Variants in HEPACAM2 observed in about 807,000 individuals in gnomAD.
HEPACAM2 encodes the protein HEPACAM family member 2.
Under a neutral mutation model 49.6 loss-of-function variants are expected in HEPACAM2, and 49 were observed. That is an observed-to-expected ratio of 0.99 (90% CI 0.78 to 1.25). The LOEUF is 1.25. Among genes scored for constraint, HEPACAM2 ranks in the 50% most tolerant of loss-of-function variants. The pLI is 0.00. For missense variants in HEPACAM2, 525 were observed against 557.2 expected, an observed-to-expected ratio of 0.94 and a Z score of 0.58; for synonymous variants, 197 against 202.9, an observed-to-expected ratio of 0.97 and a Z score of 0.25.
chr7:93,208,827 C>A lies in HEPACAM2; in HGVS notation c.765G>T (p.Gly255=). ...QVNSDKGLKV[G]EVFTVDLGEA... is the part of the protein sequence containing the mutation. ...CTCCAAGGTCAACAGTAAACACTTC[C>A]CCTACTTTTAGCCCTTTATCAGAAT... The change falls in exon 4 of 10, where the codon GGG becomes GGT. Residue 255 remains glycine (G), a synonymous_variant. Transcript: ENST00000394468. 1 of 1,612,202 alleles carries A rather than the reference C, an allele frequency of 6.2e-7. No individual in the cohort carries two copies. The highest frequency in any genetic ancestry group is 1.3e-5 in the African/African-American group (1 of 74,894).
intron 3 of HEPACAM2, 49 bp from the exon 4 acceptor site, chr7:93,208,925 A>G: frequency 1.2e-5 from 18 of 1,463,986 alleles, no homozygotes; most frequent in East Asian, 2.3e-5. Context: ...TAATCACAAC[A>G]TAGGTTTTGA....
intron 1 of HEPACAM2, chr7:93,226,009 C>A: frequency 1.3e-6 from 1 of 770,238 alleles, no homozygotes. Context: ...TCTAAGTGGT[C>A]ACAATTTCAT....
intron 3 of HEPACAM2, among the ~76,000 whole-genome samples, chr7:93,213,656 A>G (rs1280656999): frequency 2.6e-5 from 4 of 152,090 alleles, no homozygotes; most frequent in Non-Finnish European, 5.9e-5. Context: ...CTATTGCCCT[A>G]TGGATACAAA....
chr7:93,225,355 G>C (rs1794520267), intron 1 of HEPACAM2, among the ~76,000 whole-genome samples: 1 of 151,732 alleles, frequency 6.6e-6, no homozygotes, highest in Admixed American at 6.6e-5. Flanking sequence ...CACAACTCTG[G>C]GAAACTCAAA....
upstream of HEPACAM2, chr7:93,226,503 C>T: frequency 1.5e-6 from 2 of 1,350,296 alleles, no homozygotes; most frequent in South Asian, 2.4e-5. Context: ...GGTTTATTTG[C>T]TAGGGAAATT....
chr7:93,198,150 T>C (rs1021496603), intron 4 of HEPACAM2, among the ~76,000 whole-genome samples: 3 of 152,112 alleles, frequency 2.0e-5, no homozygotes, highest in Non-Finnish European at 4.4e-5. Flanking sequence ...GAAATGTCAA[T>C]TCTTAAAATA....
chr7:93,226,247 C>A, intron 1 of HEPACAM2, 121 bp downstream of exon 1: 1 of 681,980 alleles, frequency 1.5e-6, no homozygotes. Flanking sequence ...TTAAAAGGTT[C>A]TGACCTGCTC....
intron 4 of HEPACAM2, 41 bp from the exon 5 acceptor site, chr7:93,197,651 A>G: frequency 6.9e-7 from 1 of 1,455,702 alleles, no homozygotes; most frequent in Non-Finnish European, 9.3e-7. Flanking sequence ...ATAAATTGCT[A>G]CAGTATATAA....
At position 93,207,511 on chromosome 7, in the gene HEPACAM2, TAAGTA is replaced by T. The variant is rs745813943; in HGVS notation, c.1012+1064_1012+1068del. 2.7e-5 allele frequency among the ~76,000 whole-genome samples: 4 copies of T among 150,566 alleles called. No individual in the cohort carries two copies. The East Asian group carries it at 5.9e-4, about 22-fold the overall frequency. Reference sequence around the variant, plus strand: ...AGAAGGAGAAGAGAATACAAAGAAATAAGTAAAGAAAGGCAAAAGAAGGAGGAAGG... The same window carrying T: ...AGAAGGAGAAGAGAATACAAAGAAATAAGAAAGGCAAAAGAAGGAGGAAGG... On this transcript the variant is annotated intron_variant, in intron 4 of 9. Coordinates refer to ENST00000394468, the MANE Select transcript of HEPACAM2 (RefSeq NM_001039372.4).
intron 4 of HEPACAM2, among the ~76,000 whole-genome samples, chr7:93,201,618 C>A (rs926826557): frequency 6.6e-6 from 1 of 152,054 alleles, no homozygotes; most frequent in Non-Finnish European, 1.5e-5. Flanking sequence ...CAATGTCTAA[C>A]AACAATTCCA....
At chr7:93,231,724 G>A in the HEPACAM2 span, among the ~76,000 whole-genome samples, 1 of 152,158 alleles carries the variant, frequency 6.6e-6, no homozygotes, top group African/African-American at 2.4e-5. Flanking sequence ...ACTCGTTATT[G>A]TCGTATTTCC....
At position 93,192,342 on chromosome 7, in the gene HEPACAM2, C is replaced by T. The variant is rs572292760; in HGVS notation, c.1297G>A (p.Ala433Thr). 10 of 1,612,326 alleles carry T rather than the reference C, an allele frequency of 6.2e-6. No homozygotes were observed. The South Asian group carries it at 7.7e-5, about 12-fold the overall frequency. Residue 433 changes from alanine to threonine, a missense_variant, in exon 9 of 10, where the codon GCC (alanine) becomes ACC (threonine). Coordinates refer to ENST00000394468, the MANE Select transcript of HEPACAM2 (RefSeq NM_001039372.4). ...TCTTGCCCCGATACACAATCAGAGG[C>T]TGGAACAGACCTGCTTGGGATCTAG... Reference protein sequence around the residue: ...VSRIPSRSVPASDCVSGQDLH... With the variant: ...VSRIPSRSVPTSDCVSGQDLH...
intron 3 of HEPACAM2, among the ~76,000 whole-genome samples, chr7:93,211,262 G>A (rs1794171849): frequency 6.6e-6 from 1 of 151,976 alleles, no homozygotes; most frequent in Non-Finnish European, 1.5e-5. Flanking sequence ...CATGAGATAA[G>A]CCTGCTTTCA....
chr7:93,222,040 G>C (rs1377767450), intron 1 of HEPACAM2, among the ~76,000 whole-genome samples: 3 of 152,086 alleles, frequency 2.0e-5, no homozygotes, highest in Non-Finnish European at 4.4e-5. Context: ...TTTTCGCAAG[G>C]AAATAGTAGG....
At chr7:93,191,490 G>A (rs1793546100) in intron 9 of HEPACAM2, among the ~76,000 whole-genome samples, 1 of 152,108 alleles carries the variant, frequency 6.6e-6, no homozygotes, top group Non-Finnish European at 1.5e-5. Flanking sequence ...TCTGTATGTG[G>A]TTATTGATGT....
chr7:93,196,138 T>A (rs776519288), intron 7 of HEPACAM2, among the ~76,000 whole-genome samples: 1 of 152,164 alleles, frequency 6.6e-6, no homozygotes, highest in African/African-American at 2.4e-5. Context: ...GACGTGAGAA[T>A]AGCCTGTTAC....
intron 3 of HEPACAM2, among the ~76,000 whole-genome samples, chr7:93,210,263 A>G (rs1309167233): frequency 6.6e-6 from 1 of 151,982 alleles, no homozygotes; most frequent in Non-Finnish European, 1.5e-5. Flanking sequence ...TTAAGTGCTT[A>G]TGCAGATAAC....
chr7:93,192,504 C>G (rs1562819359), intron 8 of HEPACAM2, 141 bp from the exon 9 acceptor site: 3 of 646,824 alleles, frequency 4.6e-6, no homozygotes, highest in Non-Finnish European at 8.0e-6. Context: ...AGTTGACTTC[C>G]TCCTTGCTAC....
intron 1 of HEPACAM2, among the ~76,000 whole-genome samples, chr7:93,220,112 T>C (rs1008421970): frequency 1.3e-5 from 2 of 152,080 alleles, no homozygotes; most frequent in Non-Finnish European, 2.9e-5. Flanking sequence ...GTCAGTGAGG[T>C]GGCTGTGACA....
Sources: allele counts gnomAD v4.1 joint callset (sites outside exome capture counted in the v4.1 genomes callset), GRCh38; gene constraint gnomAD v4.1.1; transcripts MANE v1.5; gene names NCBI Gene and HGNC (gene_info 2026-07-23, HGNC 2026-07-21).